CALN1: variants seen among roughly 807,000 people sequenced by gnomAD.
The protein encoded by CALN1 is calcium-binding protein 8.
CALN1 carries 17 observed loss-of-function variants against 30.6 expected under a neutral mutation model. The ratio of observed to expected loss-of-function variants is 0.56; its 90% CI spans 0.38 to 0.83. The LOEUF (loss-of-function observed/expected upper bound fraction) is 0.83. Ranked by LOEUF, CALN1 falls within the 40% of genes least tolerant of loss-of-function variation. The pLI is 0.00. For missense variants in CALN1, 291 were observed against 354.9 expected (o/e 0.82, Z 1.45); for synonymous variants, 156 against 131.4 (o/e 1.19, Z -1.28).
intron 3 of CALN1, among the ~76,000 whole-genome samples, chr7:72,137,601 T>C (rs1182029311): frequency 6.6e-6 from 1 of 152,156 alleles, no homozygotes; most frequent in Non-Finnish European, 1.5e-5. Context: ...TAAAGTGAAG[T>C]ATAAAATGTG....
chr7:72,369,176 A>C (rs544257795), intron 2 of CALN1, among the ~76,000 whole-genome samples: 1 of 151,818 alleles, frequency 6.6e-6, no homozygotes, highest in African/African-American at 2.4e-5. Flanking sequence ...AGGTTCATGT[A>C]AAGTGTACAA....
At chr7:72,132,575 T>C (rs141651720) in intron 3 of CALN1, among the ~76,000 whole-genome samples, 3 of 152,270 alleles carry the variant, frequency 2.0e-5, no homozygotes, top group Non-Finnish European at 2.9e-5. Flanking sequence ...ACAATAAATA[T>C]ATGTTTGCAT....
chr7:72,460,981 G>T, the CALN1 span, among the ~76,000 whole-genome samples: 1 of 152,142 alleles, frequency 6.6e-6, no homozygotes, highest in African/African-American at 2.4e-5. Flanking sequence ...GAAACAGCAT[G>T]TTCCAACCAT....
intron 1 of CALN1, among the ~76,000 whole-genome samples, chr7:72,409,232 G>C (rs558708163): frequency 6.6e-6 from 1 of 150,746 alleles, no homozygotes; most frequent in Non-Finnish European, 1.5e-5. Context: ...CTGACCTCAT[G>C]ATCTACCCGC....
intron 4 of CALN1, among the ~76,000 whole-genome samples, chr7:72,071,070 C>A (rs936720819): frequency 1.3e-5 from 2 of 152,172 alleles, no homozygotes; most frequent in Non-Finnish European, 2.9e-5. Flanking sequence ...TGAAGGCTTG[C>A]AACTTCCAGG....
intron 3 of CALN1, among the ~76,000 whole-genome samples, chr7:72,143,127 ATGACTTTGACGAGT>A (rs1358981077): frequency 6.6e-6 from 1 of 152,142 alleles, no homozygotes; most frequent in Non-Finnish European, 1.5e-5. Flanking sequence ...TGGACAGAGA[ATGACTTTGACGAGT>A]TGAGAGAAGA....
chr7:72,356,906 T>C (rs1055470361), intron 2 of CALN1, among the ~76,000 whole-genome samples: 2 of 151,992 alleles, frequency 1.3e-5, no homozygotes, highest in Non-Finnish European at 2.9e-5. Flanking sequence ...TATTAGTGCT[T>C]GTCAACGTAT....
rs150364757 is a variant in CALN1, at chr7:72,395,177, G to A, written c.119+8074C>T. The stretch of plus-strand genomic sequence containing the variant: ...ATCTCCAACATGCAGCACTGTACCT[G>A]GCACACCAATGGCACTTGAATAAAT... On this transcript the variant is annotated intron_variant, in intron 2 of 6. Transcript: ENST00000395275. Among the ~76,000 whole-genome samples the A allele has an allele frequency of 6.3e-3, 966 of 152,242 alleles. 6 individuals are homozygous for A. Among genetic ancestry groups the A allele is most frequent in the African/African-American group, 0.022 (925 of 41,540 alleles).
intron 5 of CALN1, among the ~76,000 whole-genome samples, chr7:71,931,575 T>A (rs11771162): frequency 0.2 from 30,290 of 152,230 alleles, 3,450 homozygotes; most frequent in Admixed American, 0.3. Flanking sequence ...CTGAAAACCA[T>A]GGTTTTCTTG....
At chr7:71,799,489 A>G (rs942110586) in intron 6 of CALN1, among the ~76,000 whole-genome samples, 2 of 151,758 alleles carry the variant, frequency 1.3e-5, no homozygotes, top group Non-Finnish European at 2.9e-5. Context: ...TTTTTGAGAC[A>G]GAGTCTCACT....
intron 5 of CALN1, among the ~76,000 whole-genome samples, chr7:71,814,460 T>C (rs925848259): frequency 7.3e-5 from 11 of 151,520 alleles, no homozygotes; most frequent in Non-Finnish European, 1.5e-4. Context: ...AGGGGAGGAG[T>C]ATATTTTGCA....
At chr7:71,836,774 C>G (rs558594330) in intron 5 of CALN1, among the ~76,000 whole-genome samples, 2 of 151,748 alleles carry the variant, frequency 1.3e-5, no homozygotes, top group African/African-American at 4.8e-5. Context: ...CCCAACACCA[C>G]GTCCAGCTAA....
At chr7:72,132,282 C>T (rs1809204738) in intron 3 of CALN1, among the ~76,000 whole-genome samples, 1 of 152,114 alleles carries the variant, frequency 6.6e-6, no homozygotes, top group Admixed American at 6.5e-5. Context: ...TACCATTGGG[C>T]AAAACCATCT....
At chr7:72,410,903 G>A (rs1236925171) in intron 1 of CALN1, among the ~76,000 whole-genome samples, 1 of 152,064 alleles carries the variant, frequency 6.6e-6, no homozygotes, top group African/African-American at 2.4e-5. Context: ...CTGTATTGTA[G>A]GCATTAACCA....
At chr7:72,291,790 T>C (rs1434470622) in intron 2 of CALN1, among the ~76,000 whole-genome samples, 3 of 152,136 alleles carry the variant, frequency 2.0e-5, no homozygotes, top group Non-Finnish European at 4.4e-5. Context: ...TTTTTGTATT[T>C]TTGGTAGAGA....
At chr7:72,348,959 C>T (rs1432192590) in intron 2 of CALN1, among the ~76,000 whole-genome samples, 1 of 151,464 alleles carries the variant, frequency 6.6e-6, no homozygotes, top group Non-Finnish European at 1.5e-5. Context: ...GGCTTTCGAG[C>T]AGCTATTAGG....
At chr7:72,491,014 G>A in the CALN1 span, among the ~76,000 whole-genome samples, 1 of 152,188 alleles carries the variant, frequency 6.6e-6, no homozygotes, top group African/African-American at 2.4e-5. Context: ...GGAGGCCGAG[G>A]CGGGTGGATC....
intron 3 of CALN1, among the ~76,000 whole-genome samples, chr7:72,191,552 CAAAAAAAA>C (rs55780039): frequency 1.4e-5 from 1 of 72,490 alleles, no homozygotes. Context: ...GACTCCGTCT[CAAAAAAAA>C]AAAAAAAAAA....
intron 3 of CALN1, among the ~76,000 whole-genome samples, chr7:72,217,736 G>A (rs1341271263): frequency 6.6e-6 from 1 of 151,700 alleles, no homozygotes; most frequent in East Asian, 1.9e-4. Context: ...CTAATGCTAT[G>A]GGAGGCTTAG....
Sources: allele counts gnomAD v4.1 joint callset (sites outside exome capture counted in the v4.1 genomes callset), GRCh38; gene constraint gnomAD v4.1.1; transcripts MANE v1.5; gene names NCBI Gene and HGNC (gene_info 2026-07-23, HGNC 2026-07-21).